Variants in CUX1 observed in about 807,000 individuals in gnomAD.
The protein encoded by CUX1 is protein CASP.
A neutral mutation model predicts 158.8 loss-of-function variants in CUX1; 31 were observed. That is an observed-to-expected ratio of 0.20 (90% CI 0.15 to 0.26). The LOEUF (loss-of-function observed/expected upper bound fraction) is 0.26, where lower values mean the gene tolerates loss of function less well. CUX1 is among the 10% of genes least tolerant of loss of function. CUX1 has a pLI of 1.00. For missense variants in CUX1, 1,589 were observed against 2,014.6 expected (o/e 0.79, Z 4.04); for synonymous variants, 879 against 862.1 (o/e 1.02, Z -0.34).
intron 20 of CUX1, chr7:102,280,879 C>A (rs781797668): frequency 6.2e-7 from 1 of 1,607,734 alleles, no homozygotes; most frequent in Admixed American, 1.7e-5. Context: ...CTGCCCCTAC[C>A]CACCCCCTCC....
At chr7:101,967,611 C>G (rs544794855) in intron 2 of CUX1, among the ~76,000 whole-genome samples, 16 of 152,192 alleles carry the variant, frequency 1.1e-4, no homozygotes, top group Admixed American at 1.0e-3. Flanking sequence ...TGAAAAACTG[C>G]AAACACACAT....
At chr7:102,246,104 C>T (rs1419952724) in intron 23 of CUX1, among the ~76,000 whole-genome samples, 2 of 152,194 alleles carry the variant, frequency 1.3e-5, no homozygotes, top group Non-Finnish European at 2.9e-5. Flanking sequence ...AGTGTGCCTG[C>T]TTCCAAAAAG....
At position 102,254,959 on chromosome 7, in the gene CUX1, G is replaced by A; in HGVS notation, c.*5917G>A. The A allele has an allele frequency of 1.0e-6, 1 of 985,454 alleles. No homozygotes were observed. The highest frequency in any genetic ancestry group is 1.2e-6 in the Non-Finnish European group (1 of 829,938). The allele number at this position is 985,454 out of a possible 1,614,324, so 61.0% of individuals were successfully genotyped here. On this transcript the variant is annotated 3_prime_UTR_variant, in exon 24 of 24. Coordinates refer to ENST00000292535, the MANE Select transcript of CUX1 (RefSeq NM_181552.4). ...AATAAAGTTTAGAAAGATCCAGTCT[G>A]TGAAACCCTTAGAGATGGGCTGAAA...
At chr7:102,221,502 G>A (rs923963696) in intron 20 of CUX1, among the ~76,000 whole-genome samples, 11 of 152,154 alleles carry the variant, frequency 7.2e-5, no homozygotes, top group Non-Finnish European at 1.6e-4. Flanking sequence ...ACAGTAGATC[G>A]GAAGAACTGC....
intron 23 of CUX1, among the ~76,000 whole-genome samples, chr7:102,244,936 C>T (rs1362988710): frequency 6.6e-6 from 1 of 152,174 alleles, no homozygotes; most frequent in African/African-American, 2.4e-5. Context: ...AATATGGAGA[C>T]AAATCTAGGC....
chr7:101,816,211 G>A (rs1235111736), upstream of CUX1: 2 of 230,908 alleles, frequency 8.7e-6, no homozygotes, highest in East Asian at 1.9e-4. Context: ...GCGGGGAGGA[G>A]GGGGGTGCCG....
At chr7:101,986,644 G>T (rs972687698) in intron 2 of CUX1, among the ~76,000 whole-genome samples, 2 of 152,202 alleles carry the variant, frequency 1.3e-5, no homozygotes, top group Admixed American at 6.5e-5. Flanking sequence ...CTGCCTGGAG[G>T]CATGCCCTCC....
chr7:101,986,581 A>G (rs1172294843), intron 2 of CUX1, among the ~76,000 whole-genome samples: 1 of 152,172 alleles, frequency 6.6e-6, no homozygotes, highest in Non-Finnish European at 1.5e-5. Context: ...TGAGTGACAG[A>G]GCCTCTGTAA....
intron 11 of CUX1, among the ~76,000 whole-genome samples, chr7:102,180,063 G>A (rs375595509): frequency 2.6e-5 from 4 of 152,190 alleles, no homozygotes; most frequent in South Asian, 2.1e-4. Flanking sequence ...CGCTTTTGTC[G>A]CCGAGACTGG....
intron 2 of CUX1, among the ~76,000 whole-genome samples, chr7:101,925,962 C>A (rs1805537790): frequency 1.4e-5 from 2 of 145,062 alleles, no homozygotes; most frequent in African/African-American, 5.3e-5. Context: ...AACAAACAAA[C>A]AAAAAACCTA....
intron 23 of CUX1, among the ~76,000 whole-genome samples, chr7:102,247,073 G>A (rs1800888079): frequency 6.6e-6 from 1 of 152,086 alleles, no homozygotes; most frequent in South Asian, 2.1e-4. Context: ...ATACACCTGT[G>A]GTCCTAGCTA....
At chr7:101,871,654 GAAGT>G (rs1006019461) in intron 1 of CUX1, among the ~76,000 whole-genome samples, 2 of 152,188 alleles carry the variant, frequency 1.3e-5, no homozygotes, top group African/African-American at 4.8e-5. Context: ...GCATCTAGTA[GAAGT>G]AAGTAAGGGT....
chr7:102,130,595 C>G (rs774275960), intron 8 of CUX1, among the ~76,000 whole-genome samples: 3 of 151,906 alleles, frequency 2.0e-5, no homozygotes, highest in African/African-American at 7.3e-5. Flanking sequence ...GCAGGAGAAT[C>G]GCTTGAACCC....
rs1554539882 is a variant in CUX1, at chr7:102,250,947, CAAT to C, written c.*1907_*1909del. On this transcript the variant is annotated 3_prime_UTR_variant, in exon 24 of 24. Coordinates refer to ENST00000292535, the MANE Select transcript of CUX1 (RefSeq NM_181552.4). ...CTTTATTGCCATATCTTTAAACTAA[CAAT>C]AGATGATTTCGGTATATATATATAT... 3.1e-6 allele frequency: 3 copies of C among 971,166 alleles called. No individual in the cohort carries two copies. The highest frequency in any genetic ancestry group is 3.7e-6 in the Non-Finnish European group (3 of 817,312). 60.2% of individuals were successfully genotyped at this position (971,166 alleles called of 1,614,324 possible). A position where few individuals can be genotyped will look rare whatever the true frequency, so the allele number is the denominator to read the frequency against.
intron 2 of CUX1, among the ~76,000 whole-genome samples, chr7:101,952,518 C>T (rs867414288): frequency 6.6e-6 from 1 of 152,230 alleles, no homozygotes; most frequent in South Asian, 2.1e-4. Context: ...TACGGAACCC[C>T]GAGTACCTTT....
At chr7:101,840,995 A>G (rs1297651720) in intron 1 of CUX1, among the ~76,000 whole-genome samples, 7 of 151,674 alleles carry the variant, frequency 4.6e-5, no homozygotes, top group East Asian at 3.9e-4. Flanking sequence ...CCGGGTTCAC[A>G]CCATTTTCCT....
At chr7:102,043,358 TGTGTGTGTGTGTTGA>T (rs1218448305) in intron 3 of CUX1, among the ~76,000 whole-genome samples, 15 of 150,686 alleles carry the variant, frequency 1.0e-4, no homozygotes, top group African/African-American at 3.7e-4. Context: ...TGTGTGTGTG[TGTGTGTGTGTGTTGA>T]GAACACTTGA....
chr7:101,948,723 C>T (rs1302599578), intron 2 of CUX1, among the ~76,000 whole-genome samples: 4 of 152,164 alleles, frequency 2.6e-5, no homozygotes, highest in Non-Finnish European at 5.9e-5. Context: ...ACCTTCAACC[C>T]GCCCTGGTAC....
At chr7:102,007,250 C>T (rs1817498113) in intron 2 of CUX1, among the ~76,000 whole-genome samples, 1 of 152,118 alleles carries the variant, frequency 6.6e-6, no homozygotes, top group Admixed American at 6.5e-5. Flanking sequence ...TAAGCCATGG[C>T]CCTCTCTGAC....
Sources: gnomAD v4.1 joint callset for allele counts (sites outside exome capture counted in the v4.1 genomes callset) on GRCh38, gnomAD v4.1.1 for gene constraint, MANE v1.5 for transcripts, NCBI Gene and HGNC (gene_info 2026-07-23, HGNC 2026-07-21) for gene names.